Variants in FGF14 observed in about 807,000 individuals in gnomAD.
The protein encoded by FGF14 is fibroblast growth factor 14.
A neutral mutation model predicts 25.5 loss-of-function variants in FGF14; 5 were observed. The ratio of observed to expected loss-of-function variants is 0.20; its 90% CI spans 0.10 to 0.41. The LOEUF (loss-of-function observed/expected upper bound fraction) is 0.41. Ranked by LOEUF, FGF14 falls within the 10% of genes least tolerant of loss-of-function variation. The pLI is 1.00. For synonymous variants in FGF14, 138 were observed against 118.3 expected (o/e 1.17, Z -1.08); for missense variants, 222 against 320.1 (o/e 0.69, Z 2.34).
At chr13:102,013,136 C>T (rs1030190864) in intron 1 of FGF14, among the ~76,000 whole-genome samples, 2 of 151,930 alleles carry the variant, frequency 1.3e-5, no homozygotes, top group South Asian at 2.1e-4. Context: ...GCCTGGATGA[C>T]GGAGCAGAAC....
chr13:101,787,288 G>A (rs2039894113), intron 3 of FGF14, among the ~76,000 whole-genome samples: 1 of 152,172 alleles, frequency 6.6e-6, no homozygotes. Context: ...TGTTTTGAAA[G>A]CTGTAAAGTA....
chr13:101,892,942 T>C (rs1042561033), intron 1 of FGF14, among the ~76,000 whole-genome samples: 1 of 152,106 alleles, frequency 6.6e-6, no homozygotes, highest in Non-Finnish European at 1.5e-5. Flanking sequence ...CTAAGAATAT[T>C]TGAGGTCAGT....
chr13:101,910,656 G>T (rs954438243), intron 1 of FGF14, among the ~76,000 whole-genome samples: 2 of 151,994 alleles, frequency 1.3e-5, no homozygotes, highest in Non-Finnish European at 2.9e-5. Context: ...CATGCCTACT[G>T]GTATACTGTC....
chr13:102,221,089 T>C (rs1389358631), intron 1 of FGF14, among the ~76,000 whole-genome samples: 1 of 152,238 alleles, frequency 6.6e-6, no homozygotes, highest in Non-Finnish European at 1.5e-5. Flanking sequence ...TGAAAGAATG[T>C]TTCCCAAGAG....
chr13:101,916,210 A>G lies in FGF14; in HGVS notation c.193+243T>C, dbSNP rs12184714. On this transcript the variant is annotated intron_variant, in intron 1 of 4. Transcript: ENST00000376143. ...CAGAGCCCAGCCTGCAGGGACGCGG[A>G]GGGCAGGAGCCGCCGGCGAGGAGCA... Among the ~76,000 whole-genome samples the G allele has an allele frequency of 0.03, 4,574 of 152,296 alleles. 246 individuals are homozygous for G. Among genetic ancestry groups the G allele is most frequent in the African/African-American group, 0.1 (4,334 of 41,552 alleles).
At chr13:101,873,320 A>G (rs2045215114) in intron 2 of FGF14, among the ~76,000 whole-genome samples, 1 of 152,188 alleles carries the variant, frequency 6.6e-6, no homozygotes, top group African/African-American at 2.4e-5. Flanking sequence ...GAAAAAACAC[A>G]TAAAACCTTT....
intron 1 of FGF14, among the ~76,000 whole-genome samples, chr13:102,376,378 T>C (rs1382683324): frequency 6.6e-6 from 1 of 152,202 alleles, no homozygotes; most frequent in Non-Finnish European, 1.5e-5. Context: ...CTTTCCTTTA[T>C]AAATTACCCA....
chr13:101,827,946 A>C (rs1029289366), intron 3 of FGF14, among the ~76,000 whole-genome samples: 1 of 129,924 alleles, frequency 7.7e-6, no homozygotes, highest in Non-Finnish European at 1.8e-5. Context: ...AAAAGAAAGA[A>C]AAAAGTGTGG....
At chr13:102,024,110 A>G (rs76250388) in intron 1 of FGF14, among the ~76,000 whole-genome samples, 5,086 of 152,170 alleles carry the variant, frequency 0.033, 257 homozygotes, top group African/African-American at 0.12. Context: ...TTACATGAAC[A>G]TGTGTTTTTA....
chr13:101,717,897 T>TAAC lies in FGF14; in HGVS notation c.*4931_*4933dup, dbSNP rs2034786779. On this transcript the variant is annotated 3_prime_UTR_variant, in exon 5 of 5. Coordinates refer to ENST00000376143, the MANE Select transcript of FGF14 (RefSeq NM_004115.4). ...CTCTGTATGTTATTATCCTTTTTAT[T>TAAC]AACAACAACAACTACAACAAAAGTG... is the stretch of plus-strand genomic sequence containing the variant. 1 of 152,136 alleles carries TAAC rather than the reference T, an allele frequency of 6.6e-6. No homozygotes were observed. The highest frequency in any genetic ancestry group is 2.4e-5 in the African/African-American group (1 of 41,436). 9.4% of individuals were successfully genotyped at this position (152,136 alleles called of 1,614,324 possible). A position where few individuals can be genotyped will look rare whatever the true frequency, so the allele number is the denominator to read the frequency against.
intron 1 of FGF14, among the ~76,000 whole-genome samples, chr13:101,954,200 G>C (rs1174188872): frequency 6.6e-6 from 1 of 151,182 alleles, no homozygotes; most frequent in African/African-American, 2.4e-5. Context: ...CGAGATGTCA[G>C]ACTCAACTCT....
At chr13:101,731,980 G>C (rs1448492855) in intron 3 of FGF14, among the ~76,000 whole-genome samples, 1 of 152,140 alleles carries the variant, frequency 6.6e-6, no homozygotes, top group Non-Finnish European at 1.5e-5. Context: ...CCTGATCTAA[G>C]GTAAAATTTG....
Position 101,796,487 on chromosome 13 carries a change from TC to T in FGF14, c.409-69678del. Among the ~76,000 whole-genome samples, 4 of 151,992 alleles carry T rather than the reference TC, an allele frequency of 2.6e-5. No homozygotes were observed. The East Asian group carries it at 5.8e-4, about 22-fold the overall frequency. ...CCATCAGTTATGGGATAAATTATAT[TC>T]CCCCCAAATTCATATATTGAAGTCC... is the stretch of plus-strand genomic sequence containing the variant. On this transcript the variant is annotated intron_variant, in intron 3 of 4. Transcript: ENST00000376143.
At chr13:102,364,170 G>C (rs1002168750) in intron 1 of FGF14, among the ~76,000 whole-genome samples, 9 of 152,320 alleles carry the variant, frequency 5.9e-5, no homozygotes, top group African/African-American at 1.9e-4. Context: ...ATTTCAACAG[G>C]ACAAATGTGC....
chr13:102,234,838 C>T (rs1221237286), intron 1 of FGF14, among the ~76,000 whole-genome samples: 2 of 152,118 alleles, frequency 1.3e-5, no homozygotes, highest in Non-Finnish European at 2.9e-5. Flanking sequence ...ACCTGGAATT[C>T]CATTTACTTT....
chr13:102,149,419 A>G (rs1225611310), intron 1 of FGF14, among the ~76,000 whole-genome samples: 1 of 152,198 alleles, frequency 6.6e-6, no homozygotes, highest in Non-Finnish European at 1.5e-5. Flanking sequence ...TTATTATACA[A>G]CTACACACAG....
intron 1 of FGF14, among the ~76,000 whole-genome samples, chr13:101,958,934 G>T (rs1219318644): frequency 6.6e-6 from 1 of 152,068 alleles, no homozygotes; most frequent in East Asian, 1.9e-4. Context: ...TCCTCCCTAT[G>T]GATAAGACTT....
At chr13:101,942,701 C>A (rs746771437) in intron 1 of FGF14, among the ~76,000 whole-genome samples, 4 of 152,206 alleles carry the variant, frequency 2.6e-5, no homozygotes, top group Admixed American at 6.5e-5. Flanking sequence ...CATCTCCTGT[C>A]TGTAAAAGAA....
intron 1 of FGF14, among the ~76,000 whole-genome samples, chr13:101,966,746 G>T (rs1314259088): frequency 1.3e-5 from 2 of 152,136 alleles, no homozygotes; most frequent in Non-Finnish European, 2.9e-5. Flanking sequence ...CTCCCTAAGT[G>T]CTGGGATTAC....
Sources: allele counts gnomAD v4.1 joint callset (sites outside exome capture counted in the v4.1 genomes callset), GRCh38; gene constraint gnomAD v4.1.1; transcripts MANE v1.5; gene names NCBI Gene and HGNC (gene_info 2026-07-23, HGNC 2026-07-21).